STX18: variants seen among roughly 807,000 people sequenced by gnomAD.
The protein encoded by STX18 is syntaxin 18.
Under a neutral mutation model 50.1 loss-of-function variants are expected in STX18, and 40 were observed. That is an observed-to-expected ratio of 0.80 (90% CI 0.62 to 1.04). STX18 has a LOEUF of 1.04. Ranked by LOEUF, STX18 falls within the 50% of genes least tolerant of loss-of-function variation. The pLI is 0.00. For synonymous variants in STX18, 158 were observed against 151.8 expected, an observed-to-expected ratio of 1.04 and a Z score of -0.30; for missense variants, 410 against 415.8, an observed-to-expected ratio of 0.99 and a Z score of 0.12.
intron 1 of STX18, among the ~76,000 whole-genome samples, chr4:4,524,608 G>T (rs192882211): frequency 6.6e-6 from 1 of 151,974 alleles, no homozygotes; most frequent in Non-Finnish European, 1.5e-5. Flanking sequence ...AAGCAAGGGC[G>T]TTAGAGGCGC....
At chr4:4,518,440 G>T (rs1405973052) in intron 1 of STX18, among the ~76,000 whole-genome samples, 1 of 151,992 alleles carries the variant, frequency 6.6e-6, no homozygotes, top group African/African-American at 2.4e-5. Context: ...TCTTCGAAAG[G>T]GTGTATACAA....
At chr4:4,436,708 C>A (rs1244874194) in intron 6 of STX18, among the ~76,000 whole-genome samples, 1 of 152,186 alleles carries the variant, frequency 6.6e-6, no homozygotes, top group Non-Finnish European at 1.5e-5. Context: ...CACCCGTGCA[C>A]CCTGGTGCCA....
chr4:4,451,599 C>CATT (rs1726754385), intron 5 of STX18, among the ~76,000 whole-genome samples: 1 of 152,130 alleles, frequency 6.6e-6, no homozygotes, highest in Non-Finnish European at 1.5e-5. Context: ...CAAACTTTTT[C>CATT]ATTATTATTA....
intron 5 of STX18, among the ~76,000 whole-genome samples, chr4:4,440,583 G>A (rs1481598466): frequency 1.3e-5 from 2 of 152,182 alleles, no homozygotes; most frequent in African/African-American, 2.4e-5. Context: ...AGCTAGAAAG[G>A]TGTTTCACTA....
chr4:4,452,814 C>T (rs1369039357), intron 5 of STX18, among the ~76,000 whole-genome samples: 1 of 152,174 alleles, frequency 6.6e-6, no homozygotes, highest in Admixed American at 6.5e-5. Flanking sequence ...ATCTTAGACG[C>T]CATTAAGAAC....
rs1731033295 is a variant in STX18, at chr4:4,530,235, C to T, written c.168+11562G>A. Among the ~76,000 whole-genome samples the T allele has an allele frequency of 2.0e-5, 3 of 152,070 alleles. No homozygotes were observed. In the South Asian group the frequency reaches 6.2e-4, roughly 31 times the overall value. Reference sequence around the variant, plus strand: ...AAAATAAATCACCCAAGTCCCATCACTCAGAAAAAGCCATGGTTAACATTT... The same window carrying T: ...AAAATAAATCACCCAAGTCCCATCATTCAGAAAAAGCCATGGTTAACATTT... On this transcript the variant is annotated intron_variant, in intron 1 of 10. Transcript: ENST00000306200.
intron 8 of STX18, among the ~76,000 whole-genome samples, chr4:4,424,218 G>GT (rs1038847442): frequency 9.2e-5 from 14 of 152,026 alleles, no homozygotes; most frequent in African/African-American, 3.1e-4. Flanking sequence ...TGGGGGGCGG[G>GT]TGGGGGCACA....
intron 1 of STX18, among the ~76,000 whole-genome samples, chr4:4,508,392 G>A (rs1729832999): frequency 6.6e-6 from 1 of 151,948 alleles, no homozygotes; most frequent in Non-Finnish European, 1.5e-5. Flanking sequence ...AAAATCTGGT[G>A]AAAATCTTGT....
At chr4:4,441,975 A>C (rs1726131686) in intron 5 of STX18, among the ~76,000 whole-genome samples, 1 of 152,268 alleles carries the variant, frequency 6.6e-6, no homozygotes, top group African/African-American at 2.4e-5. Flanking sequence ...GGGTATAGGT[A>C]TATGGGTGTT....
chr4:4,439,590 CACCCCCACACACAT>C (rs1393882660), intron 5 of STX18, among the ~76,000 whole-genome samples: 1 of 126,630 alleles, frequency 7.9e-6, no homozygotes, highest in Admixed American at 7.8e-5. Flanking sequence ...TACACACACA[CACCCCCACACACAT>C]ACCCCCCAAC....
intron 1 of STX18, among the ~76,000 whole-genome samples, chr4:4,527,844 A>ATATATATAATTTTATATATATATGTCTT (rs1278051412): frequency 7.1e-6 from 1 of 139,962 alleles, no homozygotes; most frequent in African/African-American, 2.7e-5. Flanking sequence ...ATGTCTTTAT[A>ATATATATAATTTTATATATATATGTCTT]TATATATACA....
chr4:4,464,768 TCTAA>T (rs1560177303), intron 2 of STX18, among the ~76,000 whole-genome samples: 1 of 152,172 alleles, frequency 6.6e-6, no homozygotes, highest in Admixed American at 6.5e-5. Flanking sequence ...TCTTAACATT[TCTAA>T]CTGTGTTTAT....
At chr4:4,452,982 T>C (rs1328034929) in intron 5 of STX18, among the ~76,000 whole-genome samples, 3 of 152,116 alleles carry the variant, frequency 2.0e-5, no homozygotes, top group Non-Finnish European at 4.4e-5. Flanking sequence ...AGATTGGAAG[T>C]GGAGACTGAA....
In STX18 at chr4:4,467,182, C is replaced by T. The variant is rs532769065; in HGVS notation, c.236+4457G>A. On this transcript the variant is annotated intron_variant, in intron 2 of 10. Coordinates refer to ENST00000306200, the MANE Select transcript of STX18 (RefSeq NM_016930.4). ...AGTCTTCTGGCCTCTGGCTACATGACTCCTGAGCCATAATTTCTAATCTCG... is the reference window on the plus strand; with the variant it reads ...AGTCTTCTGGCCTCTGGCTACATGATTCCTGAGCCATAATTTCTAATCTCG... Among the ~76,000 whole-genome samples the T allele has an allele frequency of 7.9e-5, 12 of 152,240 alleles. No homozygotes were observed. The East Asian group carries it at 2.3e-3, about 29-fold the overall frequency.
chr4:4,514,457 T>C (rs1041055238), intron 1 of STX18, among the ~76,000 whole-genome samples: 3 of 152,228 alleles, frequency 2.0e-5, no homozygotes, highest in African/African-American at 7.2e-5. Context: ...GAGAGTTATA[T>C]GTTATTTAGA....
intron 9 of STX18, 68 bp downstream of exon 9, chr4:4,423,450 G>A (rs1447759115): frequency 1.3e-6 from 2 of 1,499,822 alleles, no homozygotes; most frequent in Non-Finnish European, 1.8e-6. Flanking sequence ...TGGGAAAAAT[G>A]TCTCGTGCTC....
At position 4,446,317 on chromosome 4, in the gene STX18, A is replaced by G. The variant is rs1044404219; in HGVS notation, c.498-7808T>C. 2.0e-5 allele frequency among the ~76,000 whole-genome samples: 3 copies of G among 152,328 alleles called. No homozygotes were observed. In the East Asian group the frequency reaches 5.8e-4, roughly 29 times the overall value. ...GGGTAGACAAAGTAAAAATTAATAA[A>G]ATTCAACTTCCTCAAAATTAAGCAT... On this transcript the variant is annotated intron_variant, in intron 5 of 10. Coordinates refer to ENST00000306200, the MANE Select transcript of STX18 (RefSeq NM_016930.4).
At position 4,541,715 on chromosome 4, in the gene STX18, A is replaced by T. The variant is rs1041446720; in HGVS notation, c.168+82T>A. The T allele has an allele frequency of 4.7e-6, 7 of 1,487,720 alleles. No individual in the cohort carries two copies. The Admixed American group carries it at 1.4e-4, about 30-fold the overall frequency. 92.2% of individuals were successfully genotyped at this position (1,487,720 alleles called of 1,614,324 possible). A position where few individuals can be genotyped will look rare whatever the true frequency, so the allele number is the denominator to read the frequency against. ...ACCCCCTTCACACAATGCTTACGGG[A>T]CGGGGTCTGGTTTGGGGCCCGGGGT... On this transcript the variant is annotated intron_variant, in intron 1 of 10. Coordinates refer to ENST00000306200, the MANE Select transcript of STX18 (RefSeq NM_016930.4).
chr4:4,471,638 C>A lies in STX18; in HGVS notation c.236+1G>T. The A allele has an allele frequency of 6.4e-7, 1 of 1,561,910 alleles. No homozygotes were observed. The highest frequency in any genetic ancestry group is 1.2e-5 in the South Asian group (1 of 82,250). ...GTCCTGGTAAAAAAATATGTACTTA[C>A]CTATAAGCATTAATATAATCTTTCC... is the stretch of plus-strand genomic sequence containing the variant. On this transcript the variant is annotated splice_donor_variant, in intron 2 of 10. Coordinates refer to ENST00000306200, the MANE Select transcript of STX18 (RefSeq NM_016930.4). LOFTEE classifies it high-confidence loss of function.
Sources: allele counts gnomAD v4.1 joint callset (sites outside exome capture counted in the v4.1 genomes callset), GRCh38; gene constraint gnomAD v4.1.1; transcripts MANE v1.5; gene names NCBI Gene and HGNC (gene_info 2026-07-23, HGNC 2026-07-21).